ANXA4: variants seen among roughly 807,000 people sequenced by gnomAD.
ANXA4 encodes 35-beta calcimedin.
In ANXA4, 39 loss-of-function variants were observed where a neutral mutation model predicts 49.8. That is an observed-to-expected ratio of 0.78 (90% CI 0.61 to 1.02). The LOEUF is 1.02. Ranked by LOEUF, ANXA4 falls within the 50% of genes least tolerant of loss-of-function variation. ANXA4 has a pLI of 0.00. For missense variants in ANXA4, 360 were observed against 410.1 expected, an observed-to-expected ratio of 0.88 and a Z score of 1.05; for synonymous variants, 134 against 152.5, an observed-to-expected ratio of 0.88 and a Z score of 0.89.
At chr2:69,664,971 TA>T (rs1288546383) in intron 2 of ANXA4, among the ~76,000 whole-genome samples, 1 of 152,010 alleles carries the variant, frequency 6.6e-6, no homozygotes, top group Admixed American at 6.6e-5. Context: ...AGTGTCATGG[TA>T]TGCACCTGTA....
At chr2:69,764,200 C>A (rs900571818) in intron 1 of ANXA4, among the ~76,000 whole-genome samples, 1 of 152,118 alleles carries the variant, frequency 6.6e-6, no homozygotes, top group African/African-American at 2.4e-5. Flanking sequence ...TCTTGGGGTT[C>A]CTGTGTGATC....
chr2:69,746,393 G>T (rs921172733), intron 1 of ANXA4, among the ~76,000 whole-genome samples: 1 of 152,110 alleles, frequency 6.6e-6, no homozygotes, highest in South Asian at 2.1e-4. Context: ...TCACCACATA[G>T]TCTTATAGTG....
chr2:69,734,208 C>T (rs1670182409), intron 3 of ANXA4, among the ~76,000 whole-genome samples: 1 of 152,212 alleles, frequency 6.6e-6, no homozygotes, highest in African/African-American at 2.4e-5. Flanking sequence ...AGTCTCTCCT[C>T]CTCACTGGCC....
At chr2:69,779,029 A>C (rs1489788824) in intron 1 of ANXA4, among the ~76,000 whole-genome samples, 1 of 145,974 alleles carries the variant, frequency 6.9e-6, no homozygotes, top group Non-Finnish European at 1.5e-5. Flanking sequence ...ACTCGCTTGA[A>C]CCTGGGAGGC....
chr2:69,761,296 T>A (rs966180488), intron 1 of ANXA4, among the ~76,000 whole-genome samples: 1 of 152,288 alleles, frequency 6.6e-6, no homozygotes, highest in East Asian at 1.9e-4. Context: ...TTTCATCAAA[T>A]GTCTGTATTT....
At chr2:69,712,372 TTACCGGGTTATTCACTCCGAGTC>T (rs1294478610) in intron 2 of ANXA4, among the ~76,000 whole-genome samples, 1 of 152,194 alleles carries the variant, frequency 6.6e-6, no homozygotes. Flanking sequence ...CAGTAGAAAA[TTACCGGGTTATTCACTCCGAGTC>T]TAAGCAGCTG....
At chr2:69,731,508 C>T (rs759996723) in intron 3 of ANXA4, among the ~76,000 whole-genome samples, 9 of 152,172 alleles carry the variant, frequency 5.9e-5, no homozygotes, top group Non-Finnish European at 1.2e-4. Context: ...TCCACATCCA[C>T]CTAGAGTATT....
intron 1 of ANXA4, among the ~76,000 whole-genome samples, chr2:69,744,213 G>A (rs544564337): frequency 6.6e-6 from 1 of 152,218 alleles, no homozygotes; most frequent in East Asian, 1.9e-4. Flanking sequence ...GAGGCTGGGA[G>A]GGAGTTTCAC....
intron 2 of ANXA4, among the ~76,000 whole-genome samples, chr2:69,712,297 C>T (rs191842212): frequency 1.0e-3 from 152 of 152,324 alleles, no homozygotes; most frequent in African/African-American, 3.4e-3. Context: ...AATCTGGCCC[C>T]TGCCTTAAAG....
chr2:69,706,250 T>C (rs1678492092), intron 2 of ANXA4, among the ~76,000 whole-genome samples: 1 of 150,918 alleles, frequency 6.6e-6, no homozygotes, highest in Admixed American at 6.6e-5. Flanking sequence ...GATTATACTT[T>C]TTCCTTTGAT....
chr2:69,650,190 C>T (rs1002360181), intron 1 of ANXA4, among the ~76,000 whole-genome samples: 29 of 152,082 alleles, frequency 1.9e-4, no homozygotes, highest in Non-Finnish European at 3.5e-4. Context: ...CTCACCTCAG[C>T]CTCCCAAAGT....
At chr2:69,677,130 T>C (rs1017048158) in intron 2 of ANXA4, among the ~76,000 whole-genome samples, 1 of 152,188 alleles carries the variant, frequency 6.6e-6, no homozygotes, top group Non-Finnish European at 1.5e-5. Context: ...CTATTTCTTA[T>C]GCATATAATT....
At chr2:69,662,691 A>G (rs1263341735) in intron 2 of ANXA4, among the ~76,000 whole-genome samples, 2 of 152,124 alleles carry the variant, frequency 1.3e-5, no homozygotes, top group Middle Eastern at 3.2e-3. Flanking sequence ...AGATGTAATC[A>G]TTTATGCAAT....
At chr2:69,741,605 C>T (rs1474857859), upstream of ANXA4, among the ~76,000 whole-genome samples, 1 of 152,262 alleles carries the variant, frequency 6.6e-6, no homozygotes. Context: ...TCAGATTTCA[C>T]TTTCTACTTT....
upstream of ANXA4, among the ~76,000 whole-genome samples, chr2:69,741,666 G>A (rs1670400719): frequency 1.3e-5 from 2 of 152,264 alleles, no homozygotes; most frequent in South Asian, 2.1e-4. Context: ...ACGGTTTCCC[G>A]AGGTGGGGGG....
At chr2:69,651,588 C>T (rs1178585062) in intron 1 of ANXA4, among the ~76,000 whole-genome samples, 1 of 146,958 alleles carries the variant, frequency 6.8e-6, no homozygotes, top group Non-Finnish European at 1.5e-5. Flanking sequence ...CTGCAAGCTC[C>T]GCCTCCCGGG....
In ANXA4 at chr2:69,788,139, T is replaced by C; in HGVS notation, c.95T>C (p.Leu32Pro). The C allele has an allele frequency of 6.2e-7, 1 of 1,613,256 alleles. No homozygotes were observed. The highest frequency in any genetic ancestry group is 8.5e-7 in the Non-Finnish European group (1 of 1,179,270). ...AQTLRKAMKG[L>P]GTDEDAIISV... Reference sequence around the variant, plus strand: ...ACCCTGAGGAAGGCCATGAAAGGGCTCGGTATGTGTCCTGCTGGAAGTGAA... The same window carrying C: ...ACCCTGAGGAAGGCCATGAAAGGGCCCGGTATGTGTCCTGCTGGAAGTGAA... The change falls in exon 3 of 13, where the codon CTC becomes CCC. Residue 32 changes from leucine to proline, a missense_variant and splice_region_variant. Leu to Pro is a moderately conservative substitution (Grantham distance 98). Coordinates refer to ENST00000394295, the MANE Select transcript of ANXA4 (RefSeq NM_001153.5).
intron 1 of ANXA4, among the ~76,000 whole-genome samples, chr2:69,761,372 A>G (rs1436930606): frequency 6.6e-6 from 1 of 152,242 alleles, no homozygotes; most frequent in Non-Finnish European, 1.5e-5. Context: ...ACATACTTCA[A>G]AAATTTTTCC....
rs182649898 is a variant in ANXA4, at chr2:69,701,413, A to G, written n.767-19361A>G. ...GCTAGCAAACACCATTCTATTTTCT[A>G]TCTGTATGATTTTGACTACTCTGGC... On this transcript the variant is annotated intron_variant and non_coding_transcript_variant, in intron 2 of 3. Transcript: ENST00000418066. Among the ~76,000 whole-genome samples the G allele has an allele frequency of 1.1e-4, 16 of 151,934 alleles. No individual in the cohort carries two copies. In the East Asian group the frequency reaches 1.9e-3, roughly 18 times the overall value.
Sources: allele counts gnomAD v4.1 joint callset (sites outside exome capture counted in the v4.1 genomes callset), GRCh38; gene constraint gnomAD v4.1.1; transcripts MANE v1.5; gene names NCBI Gene and HGNC (gene_info 2026-07-23, HGNC 2026-07-21).